The following RNF17 variants were observed in gnomAD, a reference collection of about 807,000 sequenced individuals.
The protein encoded by RNF17 is spermatogenesis associated 23.
A neutral mutation model predicts 200.5 loss-of-function variants in RNF17; 31 were observed. The ratio of observed to expected loss-of-function variants is 0.15; its 90% CI spans 0.12 to 0.21. RNF17 has a LOEUF of 0.21. Among genes scored for constraint, RNF17 ranks in the 10% least tolerant of loss-of-function variants. The pLI is 1.00. For synonymous variants in RNF17, 606 were observed against 637.8 expected (o/e 0.95, Z 0.75); for missense variants, 1,628 against 1,905.1 (o/e 0.85, Z 2.71).
At chr13:24,882,906 C>A, downstream of RNF17, 1 of 436,780 alleles carries the variant, frequency 2.3e-6, no homozygotes, top group Non-Finnish European at 4.2e-6. Context: ...AACCAATAAA[C>A]ACACCCACTT....
At chr13:24,770,942 G>A (rs1351738272) in intron 2 of RNF17, among the ~76,000 whole-genome samples, 4 of 152,208 alleles carry the variant, frequency 2.6e-5, no homozygotes, top group East Asian at 1.9e-4. Context: ...TTTTGAGCTT[G>A]TTATATTTGT....
chr13:24,886,131 C>T, the RNF17 span: 8 of 417,844 alleles, frequency 1.9e-5, no homozygotes, highest in Non-Finnish European at 2.8e-5. Flanking sequence ...AAAATAAACA[C>T]GCCCCCACCA....
intron 15 of RNF17, among the ~76,000 whole-genome samples, chr13:24,820,422 T>TTTTTG (rs886124703): frequency 1.4e-4 from 21 of 151,706 alleles, no homozygotes; most frequent in East Asian, 1.9e-4. Context: ...GCACCTGGCC[T>TTTTTG]TTTTGTTTTG....
chr13:24,856,826 T>C (rs796896431), intron 25 of RNF17, among the ~76,000 whole-genome samples: 5 of 152,322 alleles, frequency 3.3e-5, no homozygotes, highest in African/African-American at 1.2e-4. Flanking sequence ...TTGAAATCCA[T>C]TGGATTTCTT....
At position 24,861,381 on chromosome 13, in the gene RNF17, C is replaced by CGTA. The variant is rs1253409078; in HGVS notation, c.3888_3889insGTA (p.Thr1296_Thr1297insVal). The stretch of plus-strand genomic sequence containing the variant: ...GTATTCCTTGTCAGCTCCATAATAC[C>CGTA]ACACCTGTGAGTACATAATAATTTG... On this transcript the variant is annotated inframe_insertion, in exon 27 of 36. Transcript: ENST00000255324. The CGTA allele has an allele frequency of 2.6e-6, 4 of 1,548,896 alleles. No homozygotes were observed. In the African/African-American group the frequency reaches 5.6e-5, roughly 22 times the overall value.
chr13:24,767,093 T>C (rs1264492064), intron 1 of RNF17, among the ~76,000 whole-genome samples, 179 bp from the exon 2 acceptor site: 2 of 152,094 alleles, frequency 1.3e-5, no homozygotes, highest in African/African-American at 4.8e-5. Flanking sequence ...GCCGGGTGTG[T>C]TGGGACACAC....
chr13:24,838,258 C>T (rs189345324), intron 18 of RNF17, among the ~76,000 whole-genome samples: 20 of 152,118 alleles, frequency 1.3e-4, no homozygotes, highest in African/African-American at 4.3e-4. Context: ...GCCAGACAAT[C>T]GAAGAATTGG....
chr13:24,884,521 A>C, downstream of RNF17: 1 of 1,545,140 alleles, frequency 6.5e-7, no homozygotes, highest in Non-Finnish European at 8.9e-7. Flanking sequence ...AGTATGGCTA[A>C]TTCTCCTCCC....
intron 16 of RNF17, among the ~76,000 whole-genome samples, chr13:24,827,732 C>A (rs774956110): frequency 0.017 from 1,468 of 85,540 alleles, no homozygotes; most frequent in East Asian, 0.024. Context: ...AAAAAAAAAA[C>A]AATAGAAATT....
chr13:24,851,381 CT>C, intron 23 of RNF17, 74 bp from the exon 24 acceptor site: 1 of 977,440 alleles, frequency 1.0e-6, no homozygotes, highest in Non-Finnish European at 1.6e-6. Flanking sequence ...GAAGAACTGC[CT>C]GTGAAATGCA....
chr13:24,782,029 T>C (rs1882449203), intron 6 of RNF17, 85 bp downstream of exon 6: 2 of 894,138 alleles, frequency 2.2e-6, no homozygotes, highest in Non-Finnish European at 3.6e-6. Flanking sequence ...AGAATGGTAA[T>C]GGGTAACTTT....
intron 4 of RNF17, 29 bp downstream of exon 4, chr13:24,778,435 A>T (rs1386084171): frequency 7.2e-7 from 1 of 1,396,386 alleles, no homozygotes; most frequent in Non-Finnish European, 1.0e-6. Context: ...ATGAAGTACG[A>T]TGAAGGCAAA....
chr13:24,830,702 C>A (rs1889290190), intron 17 of RNF17, 103 bp downstream of exon 17: 2 of 809,090 alleles, frequency 2.5e-6, no homozygotes, highest in Non-Finnish European at 4.1e-6. Flanking sequence ...CCCTTTTTGT[C>A]TAGTTGCTGA....
intron 32 of RNF17, among the ~76,000 whole-genome samples, chr13:24,871,702 G>A (rs899822622): frequency 5.4e-5 from 8 of 146,806 alleles, no homozygotes; most frequent in East Asian, 2.0e-4. Context: ...GTGCAATCTC[G>A]TCTCACTGCA....
chr13:24,855,348 G>A (rs950331895), intron 25 of RNF17, among the ~76,000 whole-genome samples: 4 of 151,958 alleles, frequency 2.6e-5, no homozygotes, highest in African/African-American at 4.8e-5. Flanking sequence ...GGTAATCATT[G>A]GCCAGGCACG....
At chr13:24,852,087 C>G (rs375078506) in intron 24 of RNF17, among the ~76,000 whole-genome samples, 3 of 151,284 alleles carry the variant, frequency 2.0e-5, no homozygotes, top group East Asian at 3.9e-4. Context: ...GGTCCAGGGA[C>G]AGGATCAGGA....
downstream of RNF17, among the ~76,000 whole-genome samples, chr13:24,881,677 CTAGAT>C (rs1045781896): frequency 4.0e-5 from 6 of 148,378 alleles, no homozygotes; most frequent in East Asian, 2.0e-4. Context: ...ATATATCTAT[CTAGAT>C]TATAGATATC....
chr13:24,888,361 AACAC>A, the RNF17 span, among the ~76,000 whole-genome samples: 2 of 151,894 alleles, frequency 1.3e-5, no homozygotes, highest in South Asian at 2.1e-4. Flanking sequence ...TATAAGGAGA[AACAC>A]ACACACACAC....
At chr13:24,885,571 G>GT in the RNF17 span, 3 of 1,399,080 alleles carry the variant, frequency 2.1e-6, no homozygotes, top group Non-Finnish European at 3.0e-6. Flanking sequence ...CCTAAGTAAT[G>GT]TATGTTTGAA....
Sources: gnomAD v4.1 joint callset for allele counts (sites outside exome capture counted in the v4.1 genomes callset) on GRCh38, gnomAD v4.1.1 for gene constraint, MANE v1.5 for transcripts, NCBI Gene and HGNC (gene_info 2026-07-23, HGNC 2026-07-21) for gene names.